The following MYO5C variants were observed in gnomAD, a reference collection of about 807,000 sequenced individuals.
MYO5C encodes the protein unconventional myosin-Vc.
In MYO5C, 194 loss-of-function variants were observed where a neutral mutation model predicts 235.7. The ratio of observed to expected loss-of-function variants is 0.82; its 90% CI spans 0.73 to 0.93. The LOEUF is 0.93. Ranked by LOEUF, MYO5C falls within the 40% of genes least tolerant of loss-of-function variation. The pLI is 0.00. For missense variants in MYO5C, 2,038 were observed against 2,127.2 expected (o/e 0.96, Z 0.82); for synonymous variants, 707 against 754.8 (o/e 0.94, Z 1.04).
intron 1 of MYO5C, among the ~76,000 whole-genome samples, chr15:52,292,917 T>G (rs894306383): frequency 2.0e-5 from 3 of 152,120 alleles, no homozygotes; most frequent in African/African-American, 7.2e-5. Flanking sequence ...ATTGAGGGAA[T>G]GGCAAGGAGT....
intron 11 of MYO5C, among the ~76,000 whole-genome samples, chr15:52,256,069 G>A (rs566315707): frequency 6.6e-6 from 1 of 152,336 alleles, no homozygotes; most frequent in South Asian, 2.1e-4. Flanking sequence ...GGCTGAGAGA[G>A]ACAAAGAATG....
chr15:52,236,938 G>C (rs1470707501), intron 22 of MYO5C: 1 of 152,226 alleles, frequency 6.6e-6, no homozygotes, highest in Non-Finnish European at 1.5e-5. Context: ...AATTCTGTCA[G>C]TCCTTTTTTG....
chr15:52,240,718 TGA>T (rs2036200261), intron 20 of MYO5C, among the ~76,000 whole-genome samples: 1 of 152,026 alleles, frequency 6.6e-6, no homozygotes, highest in Non-Finnish European at 1.5e-5. Flanking sequence ...GGCAACTGAG[TGA>T]GACCTTGTCT....
intron 1 of MYO5C, among the ~76,000 whole-genome samples, chr15:52,291,736 T>TTTTTTTTTTG (rs2037394317): frequency 4.2e-5 from 3 of 71,370 alleles, no homozygotes; most frequent in Non-Finnish European, 9.7e-5. Context: ...TTTATGTTTT[T>TTTTTTTTTTG]TTTTTTTTTT....
rs927916894 is a variant in MYO5C, at chr15:52,285,902, A to G, written c.28-3010T>C. Among the ~76,000 whole-genome samples the G allele has an allele frequency of 7.3e-4, 111 of 151,828 alleles. 1 individual carries two copies. Among genetic ancestry groups the G allele is most frequent in the Non-Finnish European group, 9.9e-4 (67 of 67,910 alleles). On this transcript the variant is annotated intron_variant, in intron 1 of 40. Transcript: ENST00000261839. ...TGCCCGGCCGCCACCCCATCTGGGA[A>G]GTGAGGAGCATCTCTGTCTGGCCGC...
chr15:52,295,740 C>T lies in MYO5C; in HGVS notation c.-104G>A. 2 of 769,498 alleles carry T rather than the reference C, an allele frequency of 2.6e-6. No homozygotes were observed. Among genetic ancestry groups the T allele is most frequent in the South Asian group, 3.0e-5 (1 of 32,904 alleles). 47.7% of individuals were successfully genotyped at this position (769,498 alleles called of 1,614,324 possible). ...GCGCAGGAGAGACCGCCGCGGAAAT[C>T]ACCGCCGGGCCATCTTGCCCAAAGT... On this transcript the variant is annotated 5_prime_UTR_variant, in exon 1 of 41. The change abolishes the stop of an existing upstream ORF in the 5' untranslated region. Coordinates refer to ENST00000261839, the MANE Select transcript of MYO5C (RefSeq NM_018728.4).
chr15:52,193,880 A>G lies in MYO5C; in HGVS notation c.*22T>C. 1 of 1,595,956 alleles carries G rather than the reference A, an allele frequency of 6.3e-7. No homozygotes were observed. The highest frequency in any genetic ancestry group is 8.5e-7 in the Non-Finnish European group (1 of 1,174,896). The stretch of plus-strand genomic sequence containing the variant: ...ACCTTCACTTAGCTTTTGAAGAAAA[A>G]GTGCATTGACTTTTTCTCCTGCTAT... On this transcript the variant is annotated 3_prime_UTR_variant, in exon 41 of 41. Coordinates refer to ENST00000261839, the MANE Select transcript of MYO5C (RefSeq NM_018728.4).
In MYO5C at chr15:52,282,773, G is replaced by A; in HGVS notation, c.138+9C>T. 6.4e-7 allele frequency: 1 copy of A among 1,572,050 alleles called. No individual in the cohort carries two copies. Among genetic ancestry groups the A allele is most frequent in the Non-Finnish European group, 8.8e-7 (1 of 1,141,854 alleles). ...CATCGACGTAGCTGTGAACAGCAAG[G>A]ACCCTCACCGTTCCATCCTCCAGCA... On this transcript the variant is annotated intron_variant, in intron 2 of 40. Transcript: ENST00000261839.
intron 24 of MYO5C, among the ~76,000 whole-genome samples, chr15:52,229,983 G>A (rs1285523114): frequency 6.6e-6 from 1 of 152,156 alleles, no homozygotes; most frequent in Admixed American, 6.5e-5. Flanking sequence ...ATACCTTGGC[G>A]TGCTCTGCTA....
chr15:52,275,733 A>G lies in MYO5C; in HGVS notation c.450-15T>C, dbSNP rs555277417. On this transcript the variant is annotated splice_polypyrimidine_tract_variant and intron_variant, in intron 4 of 40. Transcript: ENST00000261839. ...TTCTGTTGTTTCTAAAGCAAATAAAAGTTTTCAAATATTAGTTTCTTCCCA... is the reference window on the plus strand; with the variant it reads ...TTCTGTTGTTTCTAAAGCAAATAAAGGTTTTCAAATATTAGTTTCTTCCCA... The G allele has an allele frequency of 1.2e-4, 186 of 1,613,022 alleles. 2 individuals are homozygous for G. The South Asian group carries it at 1.7e-3, about 15-fold the overall frequency.
At chr15:52,291,499 T>C (rs543999588) in intron 1 of MYO5C, among the ~76,000 whole-genome samples, 1 of 152,218 alleles carries the variant, frequency 6.6e-6, no homozygotes, top group South Asian at 2.1e-4. Flanking sequence ...GTCTTCAAAC[T>C]GCAGTCCTCT....
In MYO5C at chr15:52,224,994, G is replaced by GT. The variant is rs1261384714; in HGVS notation, c.3366-14_3366-13insA. The GT allele has an allele frequency of 3.7e-6, 6 of 1,613,526 alleles. No homozygotes were observed. Among genetic ancestry groups the GT allele is most frequent in the Non-Finnish European group, 4.2e-6 (5 of 1,179,800 alleles). ...TTCCACAGAGAGCCTGCAAAATAAG[G>GT]AAGATAAGAAAATCTATCATCTCTG... On this transcript the variant is annotated splice_polypyrimidine_tract_variant and intron_variant, in intron 27 of 40. Coordinates refer to ENST00000261839, the MANE Select transcript of MYO5C (RefSeq NM_018728.4).
chr15:52,293,342 C>A (rs761319011), intron 1 of MYO5C, among the ~76,000 whole-genome samples: 3 of 152,092 alleles, frequency 2.0e-5, no homozygotes, highest in Non-Finnish European at 2.9e-5. Context: ...TCTCTGTCTG[C>A]CTTCTCCCAC....
Position 52,237,557 on chromosome 15 carries a change from T to G in MYO5C, c.2793A>C (p.Ala931=). 1 of 1,614,220 alleles carries G rather than the reference T, an allele frequency of 6.2e-7. No homozygotes were observed. The highest frequency in any genetic ancestry group is 8.5e-7 in the Non-Finnish European group (1 of 1,180,038). The change falls in exon 22 of 41, where the codon GCA becomes GCC. Residue 931 remains alanine, a synonymous_variant. Transcript: ENST00000261839. ...TGTGAGTGGCTGCTTTTTCTAGTTC[T>G]GCTTCCAGCTTCTGAATCTTTTCCA... The part of the protein sequence containing the change: ...GDVEKIQKLE[A]ELEKAATHRR...
intron 1 of MYO5C, among the ~76,000 whole-genome samples, chr15:52,287,060 G>C (rs778587251): frequency 4.6e-5 from 7 of 150,828 alleles, no homozygotes; most frequent in Non-Finnish European, 8.8e-5. Flanking sequence ...CTATCTATTA[G>C]TTAATATAAA....
intron 38 of MYO5C, among the ~76,000 whole-genome samples, chr15:52,197,185 A>C (rs1378199138): frequency 1.3e-5 from 2 of 152,232 alleles, no homozygotes; most frequent in African/African-American, 4.8e-5. Context: ...CTCTGTACAC[A>C]AATGTTCACA....
At chr15:52,258,269 C>A (rs552363116) in intron 10 of MYO5C, among the ~76,000 whole-genome samples, 1 of 152,312 alleles carries the variant, frequency 6.6e-6, no homozygotes, top group South Asian at 2.1e-4. Context: ...AAGGTACCTG[C>A]ATAATTTCTT....
intron 9 of MYO5C, among the ~76,000 whole-genome samples, chr15:52,261,692 T>C (rs1245811464): frequency 1.3e-5 from 2 of 152,064 alleles, no homozygotes; most frequent in African/African-American, 4.8e-5. Flanking sequence ...ATACACAAAG[T>C]GAAATCTTGC....
chr15:52,251,460 T>C lies in MYO5C; in HGVS notation c.1592A>G (p.Asn531Ser). The change falls in exon 13 of 41, where the codon AAC (asparagine) becomes AGC (serine). Residue 531 changes from asparagine (N) to serine (S), a missense_variant. Transcript: ENST00000261839. ...WLQKLYNNFV[N>S]RNPLFEKPRM... is the part of the protein sequence containing the mutation. ...AGGCTTTTCAAACAAAGGGTTCCTGTTGACAAAATTATTATACAGCTTTTG... is the reference window on the plus strand; with the variant it reads ...AGGCTTTTCAAACAAAGGGTTCCTGCTGACAAAATTATTATACAGCTTTTG... The C allele has an allele frequency of 1.9e-6, 3 of 1,606,026 alleles. No individual in the cohort carries two copies. Among genetic ancestry groups the C allele is most frequent in the Non-Finnish European group, 2.6e-6 (3 of 1,175,610 alleles).
Sources: allele counts gnomAD v4.1 joint callset (sites outside exome capture counted in the v4.1 genomes callset), GRCh38; gene constraint gnomAD v4.1.1; transcripts MANE v1.5; gene names NCBI Gene and HGNC (gene_info 2026-07-23, HGNC 2026-07-21).